Variants in SEC24B observed in about 807,000 individuals in gnomAD.
SEC24B encodes protein transport protein Sec24B.
A neutral mutation model predicts 142.8 loss-of-function variants in SEC24B; 45 were observed. That is an observed-to-expected ratio of 0.32 (90% CI 0.25 to 0.40). The LOEUF (loss-of-function observed/expected upper bound fraction) is 0.40. Among genes scored for constraint, SEC24B ranks in the 10% least tolerant of loss-of-function variants. The probability of loss-of-function intolerance (pLI) is 1.00; values close to 1 mark genes in which losing one functional copy is unlikely to be tolerated. For synonymous variants in SEC24B, 574 were observed against 568.2 expected (o/e 1.01, Z -0.15); for missense variants, 1,409 against 1,526.8 (o/e 0.92, Z 1.29).
intron 6 of SEC24B, among the ~76,000 whole-genome samples, chr4:109,504,857 T>C (rs1337726487): frequency 1.3e-5 from 2 of 152,140 alleles, no homozygotes; most frequent in East Asian, 3.8e-4. Flanking sequence ...AATTTATCAT[T>C]ATCCATATAT....
At chr4:109,525,970 T>C (rs1034024070) in intron 16 of SEC24B, among the ~76,000 whole-genome samples, 21 of 152,176 alleles carry the variant, frequency 1.4e-4, no homozygotes, top group Admixed American at 9.2e-4. Context: ...AGATTATGTC[T>C]GACTTCAAGT....
chr4:109,521,704 C>T, intron 14 of SEC24B, 78 bp downstream of exon 14: 3 of 1,095,598 alleles, frequency 2.7e-6, no homozygotes, highest in South Asian at 1.5e-5. Context: ...TAATAAAATA[C>T]TGGCAAGAGA....
At chr4:109,469,942 C>T (rs1403308569) in intron 2 of SEC24B, among the ~76,000 whole-genome samples, 1 of 151,988 alleles carries the variant, frequency 6.6e-6, no homozygotes, top group Non-Finnish European at 1.5e-5. Flanking sequence ...AAGGAAAAGA[C>T]CAACAACCAA....
At chr4:109,458,006 C>G (rs968686059) in intron 1 of SEC24B, among the ~76,000 whole-genome samples, 1 of 152,124 alleles carries the variant, frequency 6.6e-6, no homozygotes, top group African/African-American at 2.4e-5. Context: ...CACTCTTTAG[C>G]CCACTACATG....
At position 109,475,940 on chromosome 4, in the gene SEC24B, A is replaced by G. The variant is rs574257685; in HGVS notation, c.1060+2754A>G. 4.6e-5 allele frequency among the ~76,000 whole-genome samples: 7 copies of G among 151,176 alleles called. No individual in the cohort carries two copies. The South Asian group carries it at 8.3e-4, about 18-fold the overall frequency. ...CTATGACTTTAAGTCTCTAAATAGT[A>G]TATTTTCTTTTGAATGAAGCCATCA... On this transcript the variant is annotated intron_variant, in intron 3 of 23. Transcript: ENST00000265175.
At chr4:109,494,984 A>G in intron 6 of SEC24B, 128 bp downstream of exon 6, 1 of 1,079,636 alleles carries the variant, frequency 9.3e-7, no homozygotes, top group South Asian at 1.6e-5. Context: ...TAGATCAAAC[A>G]TACATAGAAT....
intron 7 of SEC24B, among the ~76,000 whole-genome samples, chr4:109,507,596 TAGG>T (rs1046858746): frequency 1.4e-4 from 22 of 152,152 alleles, no homozygotes; most frequent in African/African-American, 4.8e-4. Flanking sequence ...TTCCTTGCAT[TAGG>T]AGAATTAGTG....
At chr4:109,533,792 T>C (rs577200173) in intron 22 of SEC24B, 107 bp downstream of exon 22, 68 of 784,168 alleles carry the variant, frequency 8.7e-5, no homozygotes, top group Non-Finnish European at 1.4e-4. Flanking sequence ...CAGTAATTTT[T>C]GGTATTACAC....
chr4:109,516,579 A>G lies in SEC24B; in HGVS notation c.2065A>G (p.Asn689Asp). The G allele has an allele frequency of 6.2e-7, 1 of 1,613,350 alleles. No homozygotes were observed. The highest frequency in any genetic ancestry group is 1.1e-5 in the South Asian group (1 of 90,990). Reference protein sequence around the residue: ...VYLFVLDVSHNAVEAGYLTIL... With the variant: ...VYLFVLDVSHDAVEAGYLTIL... ...CTTGTTTGTTTTAGATGTGTCTCAT[A>G]ATGCAGTGGAAGCTGGATATTTGAC... Residue 689 changes from asparagine to aspartate, a missense_variant, in exon 11 of 24, where the codon AAT (asparagine) becomes GAT (aspartate). This residue lies in a region of SEC24B where 700 missense variants were observed against 853.3 expected (regional missense o/e 0.82). Coordinates refer to ENST00000265175, the MANE Select transcript of SEC24B (RefSeq NM_006323.5).
chr4:109,438,600 C>G (rs978395932), intron 1 of SEC24B, among the ~76,000 whole-genome samples: 1 of 152,190 alleles, frequency 6.6e-6, no homozygotes, highest in Non-Finnish European at 1.5e-5. Flanking sequence ...GCCTAAAGAT[C>G]TCTTTCTGTT....
chr4:109,475,161 AG>A (rs1362322921), intron 3 of SEC24B, among the ~76,000 whole-genome samples: 5 of 152,238 alleles, frequency 3.3e-5, no homozygotes, highest in Admixed American at 6.5e-5. Context: ...TTCTTGCTTA[AG>A]TAACAGAAAA....
At chr4:109,439,474 A>ATTTTTTTTTT (rs70949077) in intron 1 of SEC24B, among the ~76,000 whole-genome samples, 6 of 43,996 alleles carry the variant, frequency 1.4e-4, no homozygotes, top group Non-Finnish European at 2.0e-4. Context: ...TCCTAAGCTG[A>ATTTTTTTTTT]TTTTTTTTTT....
intron 1 of SEC24B, among the ~76,000 whole-genome samples, chr4:109,454,038 A>G (rs1730413389): frequency 6.6e-6 from 1 of 152,050 alleles, no homozygotes; most frequent in South Asian, 2.1e-4. Flanking sequence ...TTGTATTTTT[A>G]GTAGAGACAG....
chr4:109,521,437 G>C lies in SEC24B; in HGVS notation c.2319G>C (p.Leu773=). The change falls in exon 14 of 24, where the codon CTG becomes CTC. Residue 773 remains leucine (L), a synonymous_variant. Transcript: ENST00000265175. ...TTTCTCAGCTTATAAAAGACTTACTGAATGCATTACCAAACATGTTCACCA... is the reference window on the plus strand; with the variant it reads ...TTTCTCAGCTTATAAAAGACTTACTCAATGCATTACCAAACATGTTCACCA... ...YESKELIKDL[L]NALPNMFTNT... 1.2e-6 allele frequency: 2 copies of C among 1,613,730 alleles called. No homozygotes were observed. Among genetic ancestry groups the C allele is most frequent in the Non-Finnish European group, 1.7e-6 (2 of 1,179,788 alleles).
At chr4:109,509,053 G>C (rs1737024781) in intron 7 of SEC24B, among the ~76,000 whole-genome samples, 1 of 152,066 alleles carries the variant, frequency 6.6e-6, no homozygotes, top group Non-Finnish European at 1.5e-5. Flanking sequence ...GCAGGTGGAG[G>C]GTGACTCTTG....
At chr4:109,455,336 G>C (rs984804808) in intron 1 of SEC24B, among the ~76,000 whole-genome samples, 1 of 151,684 alleles carries the variant, frequency 6.6e-6, no homozygotes, top group South Asian at 2.1e-4. Context: ...TCCAAGCTCC[G>C]CCTCCCAGGT....
At chr4:109,453,902 G>C (rs1024615761) in intron 1 of SEC24B, among the ~76,000 whole-genome samples, 1 of 152,140 alleles carries the variant, frequency 6.6e-6, no homozygotes, top group African/African-American at 2.4e-5. Context: ...TTGTCCCCCA[G>C]GCTGGAGTGC....
intron 2 of SEC24B, among the ~76,000 whole-genome samples, chr4:109,464,810 A>T (rs1397025593): frequency 1.3e-5 from 2 of 152,100 alleles, no homozygotes; most frequent in African/African-American, 4.8e-5. Context: ...GAGATCATCT[A>T]CTCTTTCATT....
intron 20 of SEC24B, 38 bp downstream of exon 20, chr4:109,531,560 A>G: frequency 6.7e-7 from 1 of 1,499,346 alleles, no homozygotes; most frequent in South Asian, 1.1e-5. Context: ...TTAAATTTGA[A>G]TATATTTGAG....
Sources: gnomAD v4.1 joint callset for allele counts (sites outside exome capture counted in the v4.1 genomes callset) on GRCh38, gnomAD v4.1.1 for gene constraint, gnomAD v4.1.1 regional missense constraint, MANE v1.5 for transcripts, NCBI Gene and HGNC (gene_info 2026-07-23, HGNC 2026-07-21) for gene names.